The following SLC25A3 variants were observed in gnomAD, a reference collection of about 807,000 sequenced individuals.
SLC25A3 encodes the protein solute carrier family 25 member 3.
In SLC25A3, 14 loss-of-function variants were observed where a neutral mutation model predicts 37.1. The ratio of observed to expected loss-of-function variants is 0.38; its 90% CI spans 0.25 to 0.59. SLC25A3 has a LOEUF of 0.59. Among genes scored for constraint, SLC25A3 ranks in the 20% least tolerant of loss-of-function variants. The pLI is 0.67. For synonymous variants in SLC25A3, 161 were observed against 168.7 expected, an observed-to-expected ratio of 0.95 and a Z score of 0.36; for missense variants, 385 against 458.1, an observed-to-expected ratio of 0.84 and a Z score of 1.46.
chr12:98,600,401 ATTTTTGTTTTTGT>A, intron 6 of SLC25A3, among the ~76,000 whole-genome samples: 1 of 150,328 alleles, frequency 6.7e-6, no homozygotes, highest in East Asian at 2.0e-4. Flanking sequence ...TGCCCGGCTG[ATTTTTGTTTTTGT>A]TTTTTGTTTT....
intron 3 of SLC25A3, among the ~76,000 whole-genome samples, chr12:98,597,345 G>A (rs923825059): frequency 6.6e-6 from 1 of 151,840 alleles, no homozygotes; most frequent in African/African-American, 2.4e-5. Flanking sequence ...AATATTTTCA[G>A]ATGTCAGTTG....
rs766494028 is a variant in SLC25A3 at position 98,601,373 on chromosome 12, T to C, written c.931T>C (p.Trp311Arg). Residue 311 changes from tryptophan (W) to arginine (R), a missense_variant, in exon 8 of 8, where the codon TGG becomes CGG. Trp to Arg is a moderately radical substitution (Grantham distance 101). Coordinates refer to ENST00000552981, the MANE Select transcript of SLC25A3 (RefSeq NM_002635.4). Reference protein sequence around the residue: ...VLKRLGFKGVWKGLFARIIMI... With the variant: ...VLKRLGFKGVRKGLFARIIMI... ...GCTTTTCCTGTTTGAACCAGGTGTATGGAAGGGACTGTTTGCCCGTATCAT... is the reference window on the plus strand; with the variant it reads ...GCTTTTCCTGTTTGAACCAGGTGTACGGAAGGGACTGTTTGCCCGTATCAT... 1 of 1,614,134 alleles carries C rather than the reference T, an allele frequency of 6.2e-7. No homozygotes were observed. The highest frequency in any genetic ancestry group is 1.1e-5 in the South Asian group (1 of 91,086).
chr12:98,596,370 T>C (rs183199884), intron 3 of SLC25A3, among the ~76,000 whole-genome samples: 3 of 152,266 alleles, frequency 2.0e-5, no homozygotes, highest in African/African-American at 7.2e-5. Context: ...AAACAAGACA[T>C]CGAAAATTTA....
chr12:98,601,099 T>C, intron 6 of SLC25A3, 72 bp from the exon 7 acceptor site: 6 of 1,528,458 alleles, frequency 3.9e-6, no homozygotes, highest in Non-Finnish European at 5.3e-6. Flanking sequence ...TTTAAAATCA[T>C]AAAAATGATT....
At chr12:98,593,842 C>T in intron 1 of SLC25A3, 102 bp downstream of exon 1, 4 of 1,033,098 alleles carry the variant, frequency 3.9e-6, no homozygotes, top group Non-Finnish European at 5.9e-6. Flanking sequence ...GGAGCAGCCT[C>T]TTTCGAAGGC....
In SLC25A3 at chr12:98,602,221, G is replaced by A. The variant is rs1216830469; in HGVS notation, c.*693G>A. On this transcript the variant is annotated 3_prime_UTR_variant, in exon 8 of 8. Coordinates refer to ENST00000552981, the MANE Select transcript of SLC25A3 (RefSeq NM_002635.4). ...CACTCTTGTTGCCCAGACGAGTGTA[G>A]TGTCGCGATCTCGCCTCACGGCAAC... 6.6e-6 allele frequency: 1 copy of A among 152,188 alleles called. No homozygotes were observed. The highest frequency in any genetic ancestry group is 1.5e-5 in the Non-Finnish European group (1 of 68,354). 9.4% of individuals were successfully genotyped at this position (152,188 alleles called of 1,614,324 possible). A position where few individuals can be genotyped will look rare whatever the true frequency, so the allele number is the denominator to read the frequency against.
intron 2 of SLC25A3, chr12:98,595,258 T>G: frequency 1.6e-6 from 1 of 643,470 alleles, no homozygotes; most frequent in Non-Finnish European, 2.7e-6. Context: ...AGAACCCTCA[T>G]AATTTTTAAA....
At chr12:98,601,133 T>G (rs192959231) in intron 6 of SLC25A3, 38 bp from the exon 7 acceptor site, 1 of 1,605,408 alleles carries the variant, frequency 6.2e-7, no homozygotes, top group Admixed American at 1.7e-5. Context: ...AGTTTTGTTT[T>G]TAACTGGCAC....
At chr12:98,597,413 TTTC>T (rs890950329) in intron 3 of SLC25A3, among the ~76,000 whole-genome samples, 2 of 150,982 alleles carry the variant, frequency 1.3e-5, no homozygotes, top group African/African-American at 4.9e-5. Flanking sequence ...AGCTACTGTA[TTTC>T]TTTTTTTTTT....
intron 5 of SLC25A3, chr12:98,599,721 C>CA (rs1565831448): frequency 1.5e-6 from 1 of 684,276 alleles, no homozygotes; most frequent in Admixed American, 1.8e-5. Flanking sequence ...TTCCAGTAGT[C>CA]AAAGAAACAT....
chr12:98,600,969 G>A (rs967349867), intron 6 of SLC25A3: 3 of 531,296 alleles, frequency 5.6e-6, no homozygotes, highest in Non-Finnish European at 9.8e-6. Flanking sequence ...TACAGAAAGT[G>A]TTGAATAAAA....
rs1592977799 is a variant in SLC25A3, at chr12:98,598,689, A to G, written c.627A>G (p.Glu209=). ...ATGCAGCTCCCAAAATGTATAAGGA[A>G]GAAGGCCTAAAAGCGTAAGTAAACA... ...LRDAAPKMYK[E]EGLKAFYKGV... The change falls in exon 5 of 8, where the codon GAA becomes GAG. Residue 209 remains glutamate (E), a synonymous_variant. Transcript: ENST00000552981. The G allele has an allele frequency of 1.2e-6, 2 of 1,613,938 alleles. No homozygotes were observed. Among genetic ancestry groups the G allele is most frequent in the East Asian group, 2.2e-5 (1 of 44,892 alleles).
At chr12:98,595,888 T>C in intron 3 of SLC25A3, 40 bp downstream of exon 3, 1 of 1,547,580 alleles carries the variant, frequency 6.5e-7, no homozygotes. Flanking sequence ...ATCTCTCATG[T>C]GACTTAACTC....
At chr12:98,598,767 TTG>T in intron 5 of SLC25A3, 64 bp downstream of exon 5, 1 of 1,461,570 alleles carries the variant, frequency 6.8e-7, no homozygotes, top group Non-Finnish European at 9.4e-7. Context: ...TCATTTTTTT[TTG>T]TTTTTTTTTT....
chr12:98,595,833 G>A lies in SLC25A3; in HGVS notation c.264G>A (p.Val88=). The A allele has an allele frequency of 6.2e-7, 1 of 1,614,016 alleles. No individual in the cohort carries two copies. Among genetic ancestry groups the A allele is most frequent in the South Asian group, 1.1e-5 (1 of 91,074 alleles). ...THTAVVPLDL[V]KCRMQVDPQK... is the part of the protein sequence containing the mutation. The stretch of plus-strand genomic sequence containing the variant: ...CTGCTGTGGTTCCCCTGGATTTAGT[G>A]AAATGCCGTATGCAGGTTTGTATTG... Residue 88 remains valine (V), a synonymous_variant, in exon 3 of 8, where the codon GTG becomes GTA. Transcript: ENST00000552981.
In SLC25A3 at chr12:98,593,698, C is replaced by A; in HGVS notation, c.-47C>A. 1 of 535,514 alleles carries A rather than the reference C, an allele frequency of 1.9e-6. No individual in the cohort carries two copies. The highest frequency in any genetic ancestry group is 3.4e-6 in the Non-Finnish European group (1 of 295,562). The allele number at this position is 535,514 out of a possible 1,614,324, so 33.2% of individuals were successfully genotyped here. The stretch of plus-strand genomic sequence containing the variant: ...GAGGACGTCCGGCCTCTGTGAGCCG[C>A]AACCTTTCCAAGGGAGTGGTTGTGT... On this transcript the variant is annotated 5_prime_UTR_variant, in exon 1 of 8. Transcript: ENST00000552981.
Position 98,595,861 on chromosome 12 carries a change from A to AT in SLC25A3, c.279+14dup. The AT allele has an allele frequency of 6.2e-7, 1 of 1,609,170 alleles. No homozygotes were observed. Among genetic ancestry groups the AT allele is most frequent in the Non-Finnish European group, 8.5e-7 (1 of 1,175,460 alleles). ...ATGCCGTATGCAGGTTTGTATTGAG[A>AT]TGACAACATTGAAAGTATCTCTCAT... On this transcript the variant is annotated intron_variant, in intron 3 of 7. Coordinates refer to ENST00000552981, the MANE Select transcript of SLC25A3 (RefSeq NM_002635.4).
At position 98,603,883 on chromosome 12, in the gene SLC25A3, GTATT is replaced by G. The variant is rs1225865454; in HGVS notation, c.*2356_*2359del. On this transcript the variant is annotated 3_prime_UTR_variant, in exon 8 of 8. Coordinates refer to ENST00000552981, the MANE Select transcript of SLC25A3 (RefSeq NM_002635.4). ...CTAGTAAGAAAATTTTAATATGTAT[GTATT>G]GGTGTTCTTTTTACATTTCATTTAA... The G allele has an allele frequency of 6.6e-6, 1 of 152,128 alleles. No individual in the cohort carries two copies. Among genetic ancestry groups the G allele is most frequent in the Non-Finnish European group, 1.5e-5 (1 of 68,028 alleles). 9.4% of individuals were successfully genotyped at this position (152,128 alleles called of 1,614,324 possible). A position where few individuals can be genotyped will look rare whatever the true frequency, so the allele number is the denominator to read the frequency against.
chr12:98,601,408 T>G lies in SLC25A3; in HGVS notation c.966T>G (p.Gly322=), dbSNP rs1592980661. Residue 322 remains glycine (G), a synonymous_variant, in exon 8 of 8, where the codon GGT becomes GGG. Transcript: ENST00000552981. ...TGTTTGCCCGTATCATCATGATTGG[T>G]ACCCTGACTGCACTACAGTGGTTTA... is the stretch of plus-strand genomic sequence containing the variant. ...KGLFARIIMI[G]TLTALQWFIY... 1 of 1,613,796 alleles carries G rather than the reference T, an allele frequency of 6.2e-7. No homozygotes were observed. Among genetic ancestry groups the G allele is most frequent in the African/African-American group, 1.3e-5 (1 of 74,916 alleles).
Sources: gnomAD v4.1 joint callset for allele counts (sites outside exome capture counted in the v4.1 genomes callset) on GRCh38, gnomAD v4.1.1 for gene constraint, MANE v1.5 for transcripts, NCBI Gene and HGNC (gene_info 2026-07-23, HGNC 2026-07-21) for gene names.